SASH1: variants seen among roughly 807,000 people sequenced by gnomAD.
SASH1 encodes SAM and SH3 domain containing 1, also known as SAM and SH3 domain-containing protein 1.
SASH1 carries 44 observed loss-of-function variants against 125.2 expected under a neutral mutation model. The ratio of observed to expected loss-of-function variants is 0.35; its 90% CI spans 0.28 to 0.45. SASH1 has a LOEUF of 0.45. Among genes scored for constraint, SASH1 ranks in the 20% least tolerant of loss-of-function variants. The pLI, the probability that SASH1 is intolerant of heterozygous loss-of-function variation, is 1.00. For missense variants in SASH1, 1,426 were observed against 1,614.5 expected (o/e 0.88, Z 2.00); for synonymous variants, 639 against 649.1 (o/e 0.98, Z 0.24).
At chr6:148,220,406 T>A in the SASH1 span, among the ~76,000 whole-genome samples, 4 of 152,186 alleles carry the variant, frequency 2.6e-5, no homozygotes, top group Non-Finnish European at 5.9e-5. Context: ...AAGGGTGGAC[T>A]TAATCATCCA....
chr6:148,512,863 G>A lies in SASH1; in HGVS notation c.730-1461G>A, dbSNP rs374853622. The stretch of plus-strand genomic sequence containing the variant: ...ACTTCTGTCCTGATGACTTGCTGAT[G>A]TTAGGTTTATAGTTAACCATAAGTG... On this transcript the variant is annotated intron_variant, in intron 8 of 19. Transcript: ENST00000367467. 95 of 985,250 alleles carry A rather than the reference G, an allele frequency of 9.6e-5. No homozygotes were observed. The African/African-American group carries it at 1.6e-3, about 16-fold the overall frequency. 61.0% of individuals were successfully genotyped at this position (985,250 alleles called of 1,614,324 possible). A position where few individuals can be genotyped will look rare whatever the true frequency, so the allele number is the denominator to read the frequency against.
intron 2 of SASH1, among the ~76,000 whole-genome samples, chr6:148,402,993 T>C (rs1784235820): frequency 6.6e-6 from 1 of 152,150 alleles, no homozygotes; most frequent in Non-Finnish European, 1.5e-5. Context: ...ATCATAGATA[T>C]TATTATTTAT....
chr6:148,302,820 G>GTATA lies in SASH1; in HGVS notation n.74+30464_74+30467dup, dbSNP rs71031062. ...TATATTCGAACTCCTGACCTCAGGA[G>GTATA]TATATATATATATATATATATATAC... On this transcript the variant is annotated intron_variant and non_coding_transcript_variant, in intron 1 of 3. Transcript: ENST00000367469. Among the ~76,000 whole-genome samples, 584 of 143,924 alleles carry GTATA rather than the reference G, an allele frequency of 4.1e-3. 2 individuals carry two copies. Among genetic ancestry groups the GTATA allele is most frequent in the African/African-American group, 7.0e-3 (274 of 39,014 alleles). The allele number at this position is 143,924 out of a possible 152,430, so 94.4% of individuals were successfully genotyped here. A position where few individuals can be genotyped will look rare whatever the true frequency, so the allele number is the denominator to read the frequency against.
At chr6:148,451,792 A>G (rs1435796935) in intron 4 of SASH1, among the ~76,000 whole-genome samples, 2 of 152,220 alleles carry the variant, frequency 1.3e-5, no homozygotes, top group Non-Finnish European at 2.9e-5. Context: ...AAAAGGGCTG[A>G]TGAGGTCTGT....
chr6:148,235,131 G>A, the SASH1 span, among the ~76,000 whole-genome samples: 5 of 152,122 alleles, frequency 3.3e-5, no homozygotes, highest in Non-Finnish European at 7.3e-5. Context: ...GAGCACTTGC[G>A]TCATAACGTG....
intron 2 of SASH1, among the ~76,000 whole-genome samples, chr6:148,404,841 G>A (rs1282894739): frequency 6.7e-6 from 1 of 148,540 alleles, no homozygotes; most frequent in African/African-American, 2.5e-5. Flanking sequence ...ATGGTTGCTG[G>A]CCTTTCTGTT....
At chr6:148,501,241 G>A (rs9399653) in intron 8 of SASH1, among the ~76,000 whole-genome samples, 10,199 of 152,080 alleles carry the variant, frequency 0.067, 915 homozygotes, top group East Asian at 0.47. Context: ...CAGCCCTGTC[G>A]GAGAAGTCAT....
At chr6:148,457,582 G>C (rs116265335) in intron 4 of SASH1, among the ~76,000 whole-genome samples, 288 of 152,268 alleles carry the variant, frequency 1.9e-3, no homozygotes, top group African/African-American at 6.7e-3. Flanking sequence ...GTGTTTTTGT[G>C]AGACTGAAAT....
rs755558952 is a variant in SASH1, at chr6:148,533,933, C to A, written c.1897C>A (p.Pro633Thr). ...PTRRRRKGRP[P>T]QPKSVEDLLD... The stretch of plus-strand genomic sequence containing the variant: ...CAGGAGGCGTCGGAAAGGACGACCA[C>A]CCCAGCCCAAGTCTGTGGAGGATCT... Residue 633 changes from proline (P) to threonine (T), a missense_variant, in exon 15 of 20, where the codon CCC becomes ACC. This residue lies in a region of SASH1 where 225 missense variants were observed against 344.5 expected (regional missense o/e 0.65). Coordinates refer to ENST00000367467, the MANE Select transcript of SASH1 (RefSeq NM_015278.5). This position sits in a 1 kb window ranked among gnomAD's most constrained non-coding sequence, Gnocchi z 6.2. 5.6e-6 allele frequency: 9 copies of A among 1,613,998 alleles called. No homozygotes were observed. The highest frequency in any genetic ancestry group is 1.7e-5 in the Admixed American group (1 of 60,002).
intron 2 of SASH1, among the ~76,000 whole-genome samples, chr6:148,438,854 A>G (rs566810036): frequency 6.6e-6 from 1 of 152,226 alleles, no homozygotes; most frequent in South Asian, 2.1e-4. Context: ...GTTGAGCAAC[A>G]GATTCCCAGA....
upstream of SASH1, among the ~76,000 whole-genome samples, chr6:148,267,533 C>T (rs1456462150): frequency 1.3e-5 from 2 of 152,070 alleles, no homozygotes; most frequent in African/African-American, 4.8e-5. Context: ...TGCCCGCCAC[C>T]ACGCCCGGCT....
chr6:148,513,131 A>G (rs1780244875), intron 8 of SASH1: 1 of 985,222 alleles, frequency 1.0e-6, no homozygotes, highest in Non-Finnish European at 1.2e-6. Context: ...TATCTGTTTT[A>G]TTGTCTGTAA....
At chr6:148,323,207 G>A (rs538562300) in intron 1 of SASH1, among the ~76,000 whole-genome samples, 6 of 152,002 alleles carry the variant, frequency 3.9e-5, no homozygotes, top group South Asian at 4.2e-4. Flanking sequence ...GTGGAGTTTC[G>A]CCGCATTGGC....
At chr6:148,409,381 G>A (rs117321014) in intron 2 of SASH1, among the ~76,000 whole-genome samples, 2 of 152,154 alleles carry the variant, frequency 1.3e-5, no homozygotes, top group Non-Finnish European at 2.9e-5. Flanking sequence ...CAGTTCCTGC[G>A]TAAATCAACT....
At chr6:148,248,392 G>A in the SASH1 span, among the ~76,000 whole-genome samples, 8 of 152,234 alleles carry the variant, frequency 5.3e-5, no homozygotes, top group South Asian at 2.1e-4. Flanking sequence ...AGAAAGAATG[G>A]GTGTTCAGTG....
intron 2 of SASH1, among the ~76,000 whole-genome samples, chr6:148,436,853 A>G (rs908330560): frequency 2.0e-5 from 3 of 152,204 alleles, no homozygotes; most frequent in Admixed American, 2.0e-4. Context: ...TACATTTGGG[A>G]TGATTTGTTA....
intron 8 of SASH1, among the ~76,000 whole-genome samples, chr6:148,489,691 G>A (rs1270711744): frequency 6.6e-6 from 1 of 151,960 alleles, no homozygotes; most frequent in Non-Finnish European, 1.5e-5. Context: ...CCTTAATTAA[G>A]TTTATTTCTA....
At chr6:148,229,533 G>A in the SASH1 span, among the ~76,000 whole-genome samples, 7 of 151,688 alleles carry the variant, frequency 4.6e-5, no homozygotes, top group Middle Eastern at 6.3e-3. Flanking sequence ...AATACTAAAC[G>A]TATAACACCA....
chr6:148,541,228 G>C (rs936935567), intron 17 of SASH1, among the ~76,000 whole-genome samples: 1 of 151,292 alleles, frequency 6.6e-6, no homozygotes, highest in Non-Finnish European at 1.5e-5. Flanking sequence ...ACTCTTGAAG[G>C]CCGTCATAAA....
Sources: gnomAD v4.1 joint callset for allele counts (sites outside exome capture counted in the v4.1 genomes callset) on GRCh38, gnomAD v4.1.1 for gene constraint, gnomAD v4.1.1 regional missense constraint, Gnocchi (gnomAD v3.1) non-coding constraint, MANE v1.5 for transcripts, NCBI Gene and HGNC (gene_info 2026-07-23, HGNC 2026-07-21) for gene names.